The following TAOK3 variants were observed in gnomAD, a reference collection of about 807,000 sequenced individuals.
TAOK3 encodes serine/threonine-protein kinase TAO3.
A neutral mutation model predicts 120.4 loss-of-function variants in TAOK3; 40 were observed. That is an observed-to-expected ratio of 0.33 (90% CI 0.26 to 0.43). TAOK3 has a LOEUF of 0.43. Among genes scored for constraint, TAOK3 ranks in the 20% least tolerant of loss-of-function variants. The probability of loss-of-function intolerance (pLI) is 1.00; values close to 1 mark genes in which losing one functional copy is unlikely to be tolerated. For synonymous variants in TAOK3, 355 were observed against 387.5 expected, an observed-to-expected ratio of 0.92 and a Z score of 0.99; for missense variants, 821 against 1,112.1, an observed-to-expected ratio of 0.74 and a Z score of 3.72.
intron 9 of TAOK3, among the ~76,000 whole-genome samples, chr12:118,214,560 G>T (rs891606412): frequency 6.6e-6 from 1 of 150,494 alleles, no homozygotes. Context: ...AAGGAAAAAA[G>T]ATTACTATAA....
intron 1 of TAOK3, among the ~76,000 whole-genome samples, chr12:118,284,609 A>G (rs2042201507): frequency 6.6e-6 from 1 of 152,206 alleles, no homozygotes; most frequent in Admixed American, 6.5e-5. Flanking sequence ...ATGGATAGAC[A>G]TACAGGTAGA....
chr12:118,268,147 T>TA (rs368533910), intron 1 of TAOK3, among the ~76,000 whole-genome samples: 69 of 152,310 alleles, frequency 4.5e-4, no homozygotes, highest in African/African-American at 1.6e-3. Flanking sequence ...GAGCTGCAAT[T>TA]CATTCACAAC....
intron 1 of TAOK3, among the ~76,000 whole-genome samples, chr12:118,362,223 T>C (rs1189390705): frequency 6.6e-6 from 1 of 150,586 alleles, no homozygotes; most frequent in Non-Finnish European, 1.5e-5. Flanking sequence ...TTTAGGGGTG[T>C]CCAATCTTTT....
At chr12:118,341,560 G>A (rs1038261683) in intron 1 of TAOK3, among the ~76,000 whole-genome samples, 3 of 152,114 alleles carry the variant, frequency 2.0e-5, no homozygotes, top group Non-Finnish European at 4.4e-5. Flanking sequence ...GCAGGGCAAC[G>A]TTGACTATGT....
At chr12:118,258,712 A>AT (rs980852178) in intron 2 of TAOK3, among the ~76,000 whole-genome samples, 5 of 143,764 alleles carry the variant, frequency 3.5e-5, no homozygotes, top group Middle Eastern at 3.5e-3. Context: ...AGACTCTGTC[A>AT]TAAAAAAAAA....
At chr12:118,173,533 T>C (rs1201717399) in intron 16 of TAOK3, among the ~76,000 whole-genome samples, 1 of 152,164 alleles carries the variant, frequency 6.6e-6, no homozygotes, top group Non-Finnish European at 1.5e-5. Context: ...ACAAAGGAAG[T>C]AGTGACAAGA....
In TAOK3 at chr12:118,161,614, A is replaced by G. The variant is rs1043157532; in HGVS notation, c.2139+174T>C. Among the ~76,000 whole-genome samples the G allele has an allele frequency of 6.6e-6, 1 of 152,206 alleles. No individual in the cohort carries two copies. Among genetic ancestry groups the G allele is most frequent in the Non-Finnish European group, 1.5e-5 (1 of 68,038 alleles). ...TAGTTTCCAAACCAGCTTGCCCAAC[A>G]TCTCCTTTTCAGGAGCTTAAATATA... On this transcript the variant is annotated intron_variant, in intron 18 of 20. Coordinates refer to ENST00000392533, the MANE Select transcript of TAOK3 (RefSeq NM_016281.4). This position sits in a 1 kb window ranked among gnomAD's most constrained non-coding sequence, Gnocchi z 4.5.
intron 19 of TAOK3, chr12:118,152,627 T>C (rs947055775): frequency 6.0e-6 from 3 of 502,196 alleles, no homozygotes; most frequent in African/African-American, 5.7e-5. Context: ...TTCAGTATGA[T>C]CTGAAACCAC....
chr12:118,272,591 A>C (rs962746509), intron 1 of TAOK3, among the ~76,000 whole-genome samples: 3 of 152,152 alleles, frequency 2.0e-5, no homozygotes, highest in Non-Finnish European at 1.5e-5. Context: ...ACACCATTTC[A>C]ACTCCTTTTT....
At chr12:118,350,410 C>T (rs2045083965) in intron 1 of TAOK3, among the ~76,000 whole-genome samples, 1 of 152,138 alleles carries the variant, frequency 6.6e-6, no homozygotes, top group Admixed American at 6.5e-5. Flanking sequence ...GTATGTGAAT[C>T]TACACAAATA....
chr12:118,152,532 A>G, intron 19 of TAOK3, 123 bp from the exon 20 acceptor site: 1 of 891,332 alleles, frequency 1.1e-6, no homozygotes, highest in Non-Finnish European at 1.7e-6. Context: ...CCCCCTCAAA[A>G]ACACAGATGC....
intron 1 of TAOK3, among the ~76,000 whole-genome samples, chr12:118,323,984 G>T (rs1028897789): frequency 3.9e-5 from 6 of 152,044 alleles, no homozygotes; most frequent in Non-Finnish European, 7.4e-5. Context: ...TACGAAGGAA[G>T]TACATTTAAT....
chr12:118,241,817 G>C (rs921342448), intron 5 of TAOK3, among the ~76,000 whole-genome samples: 2 of 152,126 alleles, frequency 1.3e-5, no homozygotes, highest in African/African-American at 4.8e-5. Flanking sequence ...TATAATCTAA[G>C]AATAAACAGG....
intron 1 of TAOK3, among the ~76,000 whole-genome samples, chr12:118,358,279 T>C (rs915060715): frequency 6.6e-6 from 1 of 152,232 alleles, no homozygotes; most frequent in Non-Finnish European, 1.5e-5. Flanking sequence ...TTTTATACTT[T>C]CATAAGTAGC....
chr12:118,298,620 GAT>G (rs962753968), intron 1 of TAOK3, among the ~76,000 whole-genome samples: 57 of 152,224 alleles, frequency 3.7e-4, no homozygotes, highest in African/African-American at 1.3e-3. Context: ...AAGTGAAGAT[GAT>G]ATGTTATGGG....
At chr12:118,286,567 A>C (rs980337937) in intron 1 of TAOK3, among the ~76,000 whole-genome samples, 5 of 152,068 alleles carry the variant, frequency 3.3e-5, no homozygotes, top group African/African-American at 7.2e-5. Flanking sequence ...AAAAAAAAAA[A>C]AACAGATGTT....
At chr12:118,174,065 C>T (rs973695633) in intron 16 of TAOK3, among the ~76,000 whole-genome samples, 2 of 152,128 alleles carry the variant, frequency 1.3e-5, no homozygotes, top group African/African-American at 4.8e-5. Context: ...GCCGTGATGT[C>T]ACTACTTGGT....
At chr12:118,322,722 T>C (rs927348868) in intron 1 of TAOK3, among the ~76,000 whole-genome samples, 2 of 124,602 alleles carry the variant, frequency 1.6e-5, no homozygotes, top group African/African-American at 7.5e-5. Flanking sequence ...AAAAACCTTT[T>C]TTTTTTTTTT....
intron 1 of TAOK3, among the ~76,000 whole-genome samples, chr12:118,353,971 A>G (rs1037409162): frequency 6.6e-6 from 1 of 152,240 alleles, no homozygotes; most frequent in Non-Finnish European, 1.5e-5. Context: ...ATCCCTATGA[A>G]AATCTGCTTA....
Sources: allele counts gnomAD v4.1 joint callset (sites outside exome capture counted in the v4.1 genomes callset), GRCh38; gene constraint gnomAD v4.1.1; non-coding constraint Gnocchi (gnomAD v3.1); transcripts MANE v1.5; gene names NCBI Gene and HGNC (gene_info 2026-07-23, HGNC 2026-07-21).